The following EXOC2 variants were observed in gnomAD, a reference collection of about 807,000 sequenced individuals.
EXOC2 encodes the protein exocyst complex component 2.
In EXOC2, 70 loss-of-function variants were observed where a neutral mutation model predicts 131.8. The ratio of observed to expected loss-of-function variants is 0.53; its 90% CI spans 0.44 to 0.65. The LOEUF is 0.65. EXOC2 is among the 30% of genes least tolerant of loss of function. The pLI is 0.00. For missense variants in EXOC2, 923 were observed against 1,108.6 expected, an observed-to-expected ratio of 0.83 and a Z score of 2.38; for synonymous variants, 411 against 398.4, an observed-to-expected ratio of 1.03 and a Z score of -0.38.
At chr6:660,914 G>A (rs1424916918) in intron 1 of EXOC2, among the ~76,000 whole-genome samples, 1 of 152,054 alleles carries the variant, frequency 6.6e-6, no homozygotes, top group African/African-American at 2.4e-5. Flanking sequence ...AATACAAAAA[G>A]TAAAGGGAGA....
chr6:605,035 T>G (rs913895677), intron 7 of EXOC2, among the ~76,000 whole-genome samples: 1 of 152,138 alleles, frequency 6.6e-6, no homozygotes. Context: ...AGTTATAATC[T>G]CTAGAAGTAA....
rs57849555 is a variant in EXOC2, at chr6:595,526, C to A, written c.1073+2495G>T. ...TTGCCTTTAAGATGACAGGAAAAAT[C>A]GTAGTTAAAAGGCTCCTTAAAAGAA... On this transcript the variant is annotated intron_variant, in intron 10 of 27. Transcript: ENST00000230449. Among the ~76,000 whole-genome samples the A allele has an allele frequency of 3.8e-3, 582 of 152,064 alleles. 10 individuals carry two copies. The highest frequency in any genetic ancestry group is 0.014 in the African/African-American group (559 of 41,360).
At chr6:655,240 G>A (rs1554145168) in intron 1 of EXOC2, among the ~76,000 whole-genome samples, 1 of 152,222 alleles carries the variant, frequency 6.6e-6, no homozygotes, top group Non-Finnish European at 1.5e-5. Flanking sequence ...GGGAGGTAAA[G>A]ACCTCCCACC....
intron 1 of EXOC2, among the ~76,000 whole-genome samples, chr6:663,689 C>T (rs1472885683): frequency 1.3e-5 from 2 of 152,172 alleles, no homozygotes; most frequent in African/African-American, 2.4e-5. Flanking sequence ...ACAAAAATCA[C>T]ATGATCATCT....
chr6:690,156 A>T (rs1581696628), intron 1 of EXOC2, among the ~76,000 whole-genome samples: 2 of 152,176 alleles, frequency 1.3e-5, no homozygotes, highest in African/African-American at 4.8e-5. Flanking sequence ...GGAGTTCAAG[A>T]CCAGCCTGGG....
At chr6:677,688 A>G (rs1436069022) in intron 1 of EXOC2, among the ~76,000 whole-genome samples, 3 of 152,124 alleles carry the variant, frequency 2.0e-5, no homozygotes, top group Non-Finnish European at 2.9e-5. Flanking sequence ...GGGCTGGTCT[A>G]AAATTCCTGA....
At chr6:649,433 A>G (rs1041280053) in intron 1 of EXOC2, among the ~76,000 whole-genome samples, 3 of 152,186 alleles carry the variant, frequency 2.0e-5, no homozygotes, top group African/African-American at 7.2e-5. Flanking sequence ...TGGGCTACAA[A>G]TTATTACTTA....
chr6:650,888 T>C (rs1293620503), intron 1 of EXOC2, among the ~76,000 whole-genome samples: 3 of 152,176 alleles, frequency 2.0e-5, no homozygotes, highest in Admixed American at 6.5e-5. Context: ...TCTTTTATTA[T>C]AGCTTGAAAA....
At chr6:556,708 T>C (rs1757437852) in intron 17 of EXOC2, 144 bp from the exon 18 acceptor site, 2 of 823,506 alleles carry the variant, frequency 2.4e-6, no homozygotes, top group Admixed American at 4.9e-5. Flanking sequence ...AGTCATCTCC[T>C]AGTCATTGAG....
At chr6:490,210 C>T (rs1047581519) in intron 26 of EXOC2, among the ~76,000 whole-genome samples, 4 of 152,202 alleles carry the variant, frequency 2.6e-5, no homozygotes, top group Non-Finnish European at 4.4e-5. Context: ...CCCTCAAAAG[C>T]TTGCCTAGAA....
At chr6:566,108 G>A (rs1757951701) in intron 13 of EXOC2, among the ~76,000 whole-genome samples, 3 of 152,006 alleles carry the variant, frequency 2.0e-5, no homozygotes, top group Admixed American at 2.0e-4. Context: ...AAGAATTAAA[G>A]GTATGTATAA....
intron 23 of EXOC2, among the ~76,000 whole-genome samples, chr6:504,634 C>T (rs1258229075): frequency 6.6e-6 from 1 of 152,132 alleles, no homozygotes; most frequent in Non-Finnish European, 1.5e-5. Context: ...AACCCTACAC[C>T]AATCGTATGA....
At chr6:668,637 A>C (rs1479410372) in intron 1 of EXOC2, among the ~76,000 whole-genome samples, 1 of 152,140 alleles carries the variant, frequency 6.6e-6, no homozygotes, top group Non-Finnish European at 1.5e-5. Context: ...ATGTATACTT[A>C]TCTCTACCAT....
intron 1 of EXOC2, chr6:689,269 C>T (rs1239429321): frequency 6.6e-6 from 1 of 150,802 alleles, no homozygotes; most frequent in African/African-American, 2.5e-5. Context: ...ATAAAGCAAA[C>T]TGGATGATGT....
intron 22 of EXOC2, among the ~76,000 whole-genome samples, chr6:546,914 T>C (rs1756895857): frequency 6.6e-6 from 1 of 152,230 alleles, no homozygotes; most frequent in Non-Finnish European, 1.5e-5. Context: ...CTCTGAGTTG[T>C]TTAAGGGTCA....
At chr6:657,045 C>A in intron 1 of EXOC2, 1 of 995,762 alleles carries the variant, frequency 1.0e-6, no homozygotes, top group South Asian at 2.1e-5. Context: ...CCCCGCCCTC[C>A]CTCCGGCCCC....
intron 23 of EXOC2, among the ~76,000 whole-genome samples, chr6:512,568 T>G (rs1417120900): frequency 6.6e-6 from 1 of 152,168 alleles, no homozygotes; most frequent in Non-Finnish European, 1.5e-5. Context: ...ATTCTGGGGG[T>G]AAACAAAGAT....
At chr6:660,259 C>T (rs755278105) in intron 1 of EXOC2, among the ~76,000 whole-genome samples, 5 of 150,828 alleles carry the variant, frequency 3.3e-5, no homozygotes, top group South Asian at 2.1e-4. Context: ...TCTAGGGCCC[C>T]GCCCACTGCC....
chr6:681,044 T>C (rs1764382106), intron 1 of EXOC2, among the ~76,000 whole-genome samples: 1 of 152,236 alleles, frequency 6.6e-6, no homozygotes, highest in Admixed American at 6.5e-5. Context: ...GGGTGTCAGC[T>C]AGATTTGTTT....
Sources: gnomAD v4.1 joint callset for allele counts (sites outside exome capture counted in the v4.1 genomes callset) on GRCh38, gnomAD v4.1.1 for gene constraint, MANE v1.5 for transcripts, NCBI Gene and HGNC (gene_info 2026-07-23, HGNC 2026-07-21) for gene names.